MOK: variants seen among roughly 807,000 people sequenced by gnomAD.
The protein encoded by MOK is MOK protein kinase, also known as MAPK/MAK/MRK overlapping kinase.
A neutral mutation model predicts 54.2 loss-of-function variants in MOK; 59 were observed. The ratio of observed to expected loss-of-function variants is 1.09; its 90% CI spans 0.88 to 1.35. The LOEUF is 1.35. MOK is among the 40% of genes most tolerant of loss of function. The pLI is 0.00. For missense variants in MOK, 517 were observed against 526.2 expected (o/e 0.98, Z 0.17); for synonymous variants, 210 against 202.7 (o/e 1.04, Z -0.31).
chr14:102,237,137 C>T (rs2153091351), intron 7 of MOK, among the ~76,000 whole-genome samples: 1 of 152,316 alleles, frequency 6.6e-6, no homozygotes, highest in South Asian at 2.1e-4. Flanking sequence ...GGACTGTCCT[C>T]CCTCAAGGCT....
Position 102,231,764 on chromosome 14 carries a change from A to G in MOK, c.924T>C (p.Pro308=). ...TGTTACTGAGTGGTTCCGGTGCCAC[A>G]GGGTGCTCCGGAAAGCCAGCTTTTC... The part of the protein sequence containing the change: ...SHRKAGFPEH[P]VAPEPLSNSC... Residue 308 remains proline, a synonymous_variant, in exon 10 of 12, where the codon CCT becomes CCC. Transcript: ENST00000361847. This position sits in a 1 kb window ranked among gnomAD's most constrained non-coding sequence, Gnocchi z 4.4. The G allele has an allele frequency of 6.2e-7, 1 of 1,612,608 alleles. No homozygotes were observed. Among genetic ancestry groups the G allele is most frequent in the Non-Finnish European group, 8.5e-7 (1 of 1,179,612 alleles).
Position 102,232,795 on chromosome 14 carries a change from G to T in MOK, c.693-87C>A. On this transcript the variant is annotated intron_variant, in intron 8 of 11. Coordinates refer to ENST00000361847, the MANE Select transcript of MOK (RefSeq NM_014226.3). The surrounding 1 kb of genome is among the most constrained non-coding windows in gnomAD (Gnocchi z 5.1). Reference sequence around the variant, plus strand: ...CTGTCACAACTAAGGGCCCTGTGTGGTGGGGAATGGTTTATGACTGCAGAG... The same window carrying T: ...CTGTCACAACTAAGGGCCCTGTGTGTTGGGGAATGGTTTATGACTGCAGAG... 1 of 1,242,526 alleles carries T rather than the reference G, an allele frequency of 8.0e-7. No individual in the cohort carries two copies. The highest frequency in any genetic ancestry group is 1.1e-6 in the Non-Finnish European group (1 of 877,966). 77.0% of individuals were successfully genotyped at this position (1,242,526 alleles called of 1,614,324 possible).
chr14:102,257,293 G>A, intron 4 of MOK, among the ~76,000 whole-genome samples: 1 of 152,058 alleles, frequency 6.6e-6, no homozygotes, highest in East Asian at 1.9e-4. Context: ...CCTGATCCTG[G>A]CAGAAGAGGC....
chr14:102,251,577 G>T (rs2066529748), intron 6 of MOK, 179 bp downstream of exon 6: 1 of 674,598 alleles, frequency 1.5e-6, no homozygotes, highest in African/African-American at 1.8e-5. Flanking sequence ...CAGTTATGTT[G>T]ATGGCATTTA....
In MOK at chr14:102,298,952, G is replaced by A. The variant is rs545979717; in HGVS notation, c.7+6010C>T. Reference sequence around the variant, plus strand: ...CGCGAAGGTCTGCAGCTTCACTCCTGAAGCCAGTGAGACCACGAACCCACC... The same window carrying A: ...CGCGAAGGTCTGCAGCTTCACTCCTAAAGCCAGTGAGACCACGAACCCACC... On this transcript the variant is annotated intron_variant, in intron 1 of 11. Transcript: ENST00000361847. Among the ~76,000 whole-genome samples the A allele has an allele frequency of 5.3e-4, 80 of 152,270 alleles. 2 individuals carry two copies. The South Asian group carries it at 7.5e-3, about 14-fold the overall frequency.
chr14:102,251,967 T>C lies in MOK; in HGVS notation c.312A>G (p.Lys104=). The C allele has an allele frequency of 6.2e-7, 1 of 1,605,320 alleles. No individual in the cohort carries two copies. Among genetic ancestry groups the C allele is most frequent in the Non-Finnish European group, 8.5e-7 (1 of 1,172,916 alleles). ...RGRRYPLSEK[K]IMHYMYQLCK... ...ATAACTGGTACATATAGTGCATAAT[T>C]TTTTTTTCTGATAATGGGTATCTTC... The change falls in exon 5 of 12, where the codon AAA becomes AAG. Residue 104 remains lysine, a synonymous_variant. Transcript: ENST00000361847.
At chr14:102,263,367 A>C (rs2067631488) in intron 4 of MOK, among the ~76,000 whole-genome samples, 179 bp downstream of exon 4, 1 of 152,248 alleles carries the variant, frequency 6.6e-6, no homozygotes, top group African/African-American at 2.4e-5. Flanking sequence ...GTTTGCAGCC[A>C]TGTTCTGAGT....
intron 4 of MOK, among the ~76,000 whole-genome samples, chr14:102,258,676 G>C (rs1206044439): frequency 6.6e-6 from 1 of 152,078 alleles, no homozygotes; most frequent in African/African-American, 2.4e-5. Flanking sequence ...CACCATCTCT[G>C]CCTCATCTGA....
intron 1 of MOK, among the ~76,000 whole-genome samples, chr14:102,297,116 G>T (rs1403603940): frequency 6.6e-6 from 1 of 151,852 alleles, no homozygotes; most frequent in African/African-American, 2.4e-5. Flanking sequence ...CCAGCACTTT[G>T]GGAGGCCAAG....
intron 1 of MOK, among the ~76,000 whole-genome samples, chr14:102,298,721 T>C (rs2071754890): frequency 6.6e-6 from 1 of 152,144 alleles, no homozygotes; most frequent in South Asian, 2.1e-4. Context: ...CATGCTCCAG[T>C]CCCCTTCCAC....
At chr14:102,281,429 G>GCAGA (rs2069416906) in intron 2 of MOK, among the ~76,000 whole-genome samples, 1 of 149,226 alleles carries the variant, frequency 6.7e-6, no homozygotes, top group Non-Finnish European at 1.5e-5. Flanking sequence ...AGCCCTGGAA[G>GCAGA]CAGAGGTTGT....
intron 10 of MOK, 66 bp from the exon 11 acceptor site, chr14:102,229,723 G>C (rs1047500172): frequency 1.4e-6 from 2 of 1,382,126 alleles, no homozygotes; most frequent in Non-Finnish European, 2.0e-6. Flanking sequence ...TAGGAAAAAC[G>C]AAAGAGGCTC....
At chr14:102,226,324 G>T (rs1438780584), downstream of MOK, 4 of 703,126 alleles carry the variant, frequency 5.7e-6, no homozygotes, top group Non-Finnish European at 1.0e-5. This position sits in a 1 kb window ranked among gnomAD's most constrained non-coding sequence, Gnocchi z 4.8. Flanking sequence ...GCAGCATGCA[G>T]GTGCTCAGCA....
downstream of MOK, among the ~76,000 whole-genome samples, chr14:102,221,376 G>A (rs1276073134): frequency 1.3e-5 from 2 of 152,224 alleles, no homozygotes; most frequent in Admixed American, 6.5e-5. This position sits in a 1 kb window ranked among gnomAD's most constrained non-coding sequence, Gnocchi z 4.8. Context: ...TAGGGTGCGC[G>A]TGGTGATGAA....
chr14:102,223,118 T>C (rs554284626), downstream of MOK: 19 of 418,266 alleles, frequency 4.5e-5, no homozygotes, highest in East Asian at 6.9e-4. Flanking sequence ...AAATAAGAAA[T>C]GGAGTTTTCT....
At chr14:102,301,435 GA>G (rs1313901918) in intron 1 of MOK, among the ~76,000 whole-genome samples, 2 of 152,126 alleles carry the variant, frequency 1.3e-5, no homozygotes, top group Non-Finnish European at 2.9e-5. Flanking sequence ...ATACTCCACA[GA>G]ATAACACACC....
At chr14:102,223,608 A>G (rs2064133040), downstream of MOK, 1 of 152,592 alleles carries the variant, frequency 6.6e-6, no homozygotes, top group African/African-American at 2.4e-5. Context: ...TTCACTAGTA[A>G]TTTTCATCAT....
Position 102,237,034 on chromosome 14 carries a change from C to CT in MOK, c.591-3246dup, listed in dbSNP as rs199832076. Among the ~76,000 whole-genome samples the CT allele has an allele frequency of 9.9e-3, 1,510 of 152,246 alleles. 25 individuals are homozygous for CT. Among genetic ancestry groups the CT allele is most frequent in the African/African-American group, 0.035 (1,433 of 41,526 alleles). On this transcript the variant is annotated intron_variant, in intron 7 of 11. Transcript: ENST00000361847. ...ACACTGCTATTGACCTAAAAGATGACTTTTTTTACTATTCCCCTGCACCCT... is the reference window on the plus strand; with the variant it reads ...ACACTGCTATTGACCTAAAAGATGACTTTTTTTTACTATTCCCCTGCACCCT...
chr14:102,277,252 A>G (rs1322242677), intron 2 of MOK: 6 of 152,052 alleles, frequency 3.9e-5, no homozygotes, highest in Non-Finnish European at 8.8e-5. Flanking sequence ...AAACTATCAA[A>G]AAGTCCATTA....
Sources: gnomAD v4.1 joint callset for allele counts (sites outside exome capture counted in the v4.1 genomes callset) on GRCh38, gnomAD v4.1.1 for gene constraint, Gnocchi (gnomAD v3.1) non-coding constraint, MANE v1.5 for transcripts, NCBI Gene and HGNC (gene_info 2026-07-23, HGNC 2026-07-21) for gene names.